Variants in GRM7 observed in about 807,000 individuals in gnomAD.
GRM7 encodes metabotropic glutamate receptor 7.
In GRM7, 35 loss-of-function variants were observed where a neutral mutation model predicts 84.5. The observed-to-expected ratio is 0.41, with a 90% confidence interval of 0.32 to 0.55. The LOEUF is 0.55. Ranked by LOEUF, GRM7 falls within the 20% of genes least tolerant of loss-of-function variation. The probability of loss-of-function intolerance (pLI) is 0.19; values close to 1 mark genes in which losing one functional copy is unlikely to be tolerated. For missense variants in GRM7, 1,003 were observed against 1,194.6 expected, an observed-to-expected ratio of 0.84 and a Z score of 2.36; for synonymous variants, 487 against 455.1, an observed-to-expected ratio of 1.07 and a Z score of -0.89.
intron 5 of GRM7, among the ~76,000 whole-genome samples, chr3:7,431,352 G>A (rs758612003): frequency 2.6e-5 from 4 of 152,032 alleles, no homozygotes; most frequent in Non-Finnish European, 4.4e-5. Context: ...TGAAAGTCTT[G>A]AATAGACAAA....
intron 5 of GRM7, among the ~76,000 whole-genome samples, chr3:7,449,578 C>G (rs1187674090): frequency 6.6e-6 from 1 of 152,004 alleles, no homozygotes; most frequent in Non-Finnish European, 1.5e-5. Context: ...TGTTATAAAG[C>G]CTTTATAATT....
At chr3:7,363,720 C>T (rs1693764058) in intron 4 of GRM7, among the ~76,000 whole-genome samples, 1 of 152,068 alleles carries the variant, frequency 6.6e-6, no homozygotes, top group Non-Finnish European at 1.5e-5. Flanking sequence ...GCATCTTCAA[C>T]TTAATTGACC....
chr3:7,678,626 T>C (rs1490956493), intron 8 of GRM7, among the ~76,000 whole-genome samples: 1 of 152,240 alleles, frequency 6.6e-6, no homozygotes, highest in Non-Finnish European at 1.5e-5. Flanking sequence ...AATTCAACAT[T>C]GTTTTGTCTT....
At chr3:7,580,324 AG>A (rs1045321683) in intron 8 of GRM7, among the ~76,000 whole-genome samples, 5 of 152,210 alleles carry the variant, frequency 3.3e-5, no homozygotes, top group Non-Finnish European at 7.3e-5. Context: ...CTCTGCAAAG[AG>A]GGCTTAGGGA....
intron 1 of GRM7, among the ~76,000 whole-genome samples, chr3:7,082,923 G>A (rs1053696559): frequency 3.9e-5 from 6 of 152,124 alleles, no homozygotes; most frequent in Non-Finnish European, 8.8e-5. Flanking sequence ...AATGAACGAG[G>A]AATTGCTTCT....
chr3:7,565,622 T>G (rs888527800), intron 7 of GRM7, among the ~76,000 whole-genome samples: 2 of 152,208 alleles, frequency 1.3e-5, no homozygotes, highest in Non-Finnish European at 2.9e-5. Flanking sequence ...TGCCAAATTG[T>G]GCACAGTTAT....
chr3:6,969,646 T>C (rs1693661441), intron 1 of GRM7, among the ~76,000 whole-genome samples: 1 of 152,194 alleles, frequency 6.6e-6, no homozygotes, highest in South Asian at 2.1e-4. Context: ...AGCAAATCCA[T>C]TATCCATCAG....
chr3:7,700,125 T>A (rs1701173176), intron 9 of GRM7, among the ~76,000 whole-genome samples: 1 of 152,178 alleles, frequency 6.6e-6, no homozygotes. Context: ...AGATCAGATC[T>A]CCTTTGGAAC....
intron 2 of GRM7, among the ~76,000 whole-genome samples, chr3:7,168,506 G>C (rs1694879373): frequency 6.6e-6 from 1 of 152,138 alleles, no homozygotes; most frequent in Non-Finnish European, 1.5e-5. Context: ...GGTGTGACCT[G>C]CAAACCGGGA....
At chr3:7,440,532 T>C (rs574392757) in intron 5 of GRM7, among the ~76,000 whole-genome samples, 2 of 152,110 alleles carry the variant, frequency 1.3e-5, no homozygotes, top group South Asian at 4.1e-4. Flanking sequence ...GTTTCAAGAG[T>C]ACATATGCAG....
chr3:7,338,415 T>C (rs1701509097), intron 4 of GRM7, among the ~76,000 whole-genome samples: 1 of 151,990 alleles, frequency 6.6e-6, no homozygotes, highest in Admixed American at 6.6e-5. Flanking sequence ...GGGTGATGGG[T>C]ATACTAAAAT....
chr3:7,381,165 T>C (rs889412141), intron 4 of GRM7, among the ~76,000 whole-genome samples: 1 of 145,844 alleles, frequency 6.9e-6, no homozygotes, highest in Non-Finnish European at 1.5e-5. Flanking sequence ...ATTTAGTTAG[T>C]TTTTTTTTGA....
intron 2 of GRM7, among the ~76,000 whole-genome samples, chr3:7,283,205 C>G (rs776522689): frequency 6.6e-6 from 1 of 152,136 alleles, no homozygotes; most frequent in South Asian, 2.1e-4. Context: ...GCACTGGACA[C>G]TTCCCAGCTG....
At chr3:7,397,146 T>C (rs1695243858) in intron 4 of GRM7, among the ~76,000 whole-genome samples, 1 of 152,168 alleles carries the variant, frequency 6.6e-6, no homozygotes, top group African/African-American at 2.4e-5. Context: ...AAAGTGTGAA[T>C]GAGTAACTAA....
intron 4 of GRM7, among the ~76,000 whole-genome samples, chr3:7,362,259 G>A (rs1693695855): frequency 6.6e-6 from 1 of 151,948 alleles, no homozygotes; most frequent in Admixed American, 6.6e-5. Context: ...AGTAAGAGAG[G>A]AGAAACTAAT....
At chr3:7,136,803 C>G (rs1036585576) in intron 1 of GRM7, among the ~76,000 whole-genome samples, 39 of 152,084 alleles carry the variant, frequency 2.6e-4, no homozygotes, top group Admixed American at 2.0e-3. Flanking sequence ...AATGGGGAAA[C>G]AATGATGAGC....
At chr3:7,071,075 G>A (rs1350530691) in intron 1 of GRM7, among the ~76,000 whole-genome samples, 1 of 152,068 alleles carries the variant, frequency 6.6e-6, no homozygotes, top group Non-Finnish European at 1.5e-5. Context: ...GAAAAGCTCA[G>A]CCTCCCTTTC....
intron 1 of GRM7, among the ~76,000 whole-genome samples, chr3:6,962,093 C>A (rs765956555): frequency 6.6e-6 from 1 of 152,140 alleles, no homozygotes; most frequent in Admixed American, 6.6e-5. Flanking sequence ...TTTTATGGTA[C>A]GTCCTCATTC....
intron 2 of GRM7, among the ~76,000 whole-genome samples, chr3:7,263,154 G>A (rs527523815): frequency 4.6e-5 from 7 of 152,104 alleles, no homozygotes; most frequent in Non-Finnish European, 8.8e-5. Flanking sequence ...AGGTGGATTC[G>A]GTCAACTGGC....
Sources: allele counts gnomAD v4.1 joint callset (sites outside exome capture counted in the v4.1 genomes callset), GRCh38; gene constraint gnomAD v4.1.1; transcripts MANE v1.5; gene names NCBI Gene and HGNC (gene_info 2026-07-23, HGNC 2026-07-21).